ZNF346: variants seen among roughly 807,000 people sequenced by gnomAD.
ZNF346 encodes zinc finger protein 346, also known as double-stranded RNA-binding zinc finger protein JAZ.
In ZNF346, 23 loss-of-function variants were observed where a neutral mutation model predicts 33.7. The observed-to-expected ratio is 0.68, with a 90% CI of 0.49 to 0.97. ZNF346 has a LOEUF of 0.97. ZNF346 is among the 50% of genes least tolerant of loss of function. ZNF346 has a pLI of 0.00. For missense variants in ZNF346, 340 were observed against 371.1 expected (o/e 0.92, Z 0.69); for synonymous variants, 134 against 142.4 (o/e 0.94, Z 0.42).
At chr5:177,068,520 A>G (rs942609953), downstream of ZNF346, among the ~76,000 whole-genome samples, 13 of 143,908 alleles carry the variant, frequency 9.0e-5, 2 homozygotes, top group African/African-American at 3.8e-4. Context: ...CCAGGCTTCT[A>G]TCCTGATACG....
intron 1 of ZNF346, among the ~76,000 whole-genome samples, chr5:177,033,515 G>GTTTTGT (rs1409160289): frequency 1.3e-5 from 2 of 151,926 alleles, no homozygotes; most frequent in African/African-American, 2.4e-5. Context: ...GTTTTGTTTT[G>GTTTTGT]TTTTGTTTTT....
At chr5:177,038,876 T>TTTGTGTGTG (rs981637597) in intron 1 of ZNF346, among the ~76,000 whole-genome samples, 1 of 135,358 alleles carries the variant, frequency 7.4e-6, no homozygotes. Flanking sequence ...CTTCTTCTTC[T>TTTGTGTGTG]TGTGTGTGTG....
At chr5:177,076,773 G>T (rs1783770613) in intron 8 of ZNF346, among the ~76,000 whole-genome samples, 1 of 152,180 alleles carries the variant, frequency 6.6e-6, no homozygotes, top group South Asian at 2.1e-4. Flanking sequence ...GGGCGTGGTG[G>T]CTCACGCCTG....
At chr5:177,070,786 G>C (rs185517541), downstream of ZNF346, among the ~76,000 whole-genome samples, 723 of 151,986 alleles carry the variant, frequency 4.8e-3, 5 homozygotes, top group Non-Finnish European at 7.1e-3. Flanking sequence ...TGACTGAGGC[G>C]GGGGGAAAAG....
chr5:177,045,773 G>A (rs1211109961), intron 4 of ZNF346, among the ~76,000 whole-genome samples: 1 of 151,750 alleles, frequency 6.6e-6, no homozygotes, highest in East Asian at 1.9e-4. Context: ...TTACAGGCAT[G>A]AGCCACCACA....
In ZNF346 at chr5:177,075,725, C is replaced by T. The variant is rs530892415; in HGVS notation, c.*3-3657C>T. ...TTTTGAGACAGAGTTTCTCTCTTGTCGCCCAGGCTAGAGTGCAGTGGTGCA... is the reference window on the plus strand; with the variant it reads ...TTTTGAGACAGAGTTTCTCTCTTGTTGCCCAGGCTAGAGTGCAGTGGTGCA... On this transcript the variant is annotated intron_variant, in intron 8 of 8. Coordinates refer to the ZNF346 transcript ENST00000503039. Among the ~76,000 whole-genome samples the T allele has an allele frequency of 2.8e-4, 43 of 151,186 alleles. 1 individual carries two copies. The highest frequency in any genetic ancestry group is 4.9e-4 in the Non-Finnish European group (33 of 67,790).
At chr5:177,045,381 G>T (rs1287013985) in intron 4 of ZNF346, among the ~76,000 whole-genome samples, 3 of 151,404 alleles carry the variant, frequency 2.0e-5, no homozygotes, top group African/African-American at 7.3e-5. Context: ...TTGAGATGGA[G>T]TCTCGCTCTG....
At chr5:177,023,720 A>T (rs1776250482) in intron 1 of ZNF346, among the ~76,000 whole-genome samples, 2 of 152,138 alleles carry the variant, frequency 1.3e-5, no homozygotes, top group Non-Finnish European at 2.9e-5. Context: ...CAGCTGCTTG[A>T]TGCTAACCCA....
chr5:177,041,221 C>T lies in ZNF346; in HGVS notation c.271C>T (p.His91Tyr). The T allele has an allele frequency of 2.5e-6, 4 of 1,613,454 alleles. No homozygotes were observed. Among genetic ancestry groups the T allele is most frequent in the Non-Finnish European group, 3.4e-6 (4 of 1,179,352 alleles). ...LLISESQKLA[H>Y]YQSKKHANKV... ...TATTTCTGAGTCCCAGAAGCTGGCA[C>T]ATTACCAGGTATGCCATCATACTTT... The change falls in exon 2 of 7, where the codon CAT (histidine) becomes TAT (tyrosine). Residue 91 changes from histidine to tyrosine, a missense_variant. His to Tyr is a moderately conservative substitution (Grantham distance 83). Transcript: ENST00000358149.
intron 1 of ZNF346, 121 bp from the exon 2 acceptor site, chr5:177,041,005 T>C: frequency 1.4e-6 from 1 of 733,928 alleles, no homozygotes; most frequent in Non-Finnish European, 2.4e-6. Flanking sequence ...CTGGCTGAGG[T>C]CTGCCAGTGT....
chr5:177,034,271 G>A (rs992236840), intron 1 of ZNF346, among the ~76,000 whole-genome samples: 1 of 150,160 alleles, frequency 6.7e-6, no homozygotes. Context: ...GAAGTGCAGT[G>A]GTGTGATCAC....
At chr5:177,028,521 T>TATATATATATA (rs56006820) in intron 1 of ZNF346, among the ~76,000 whole-genome samples, 21 of 135,850 alleles carry the variant, frequency 1.5e-4, no homozygotes, top group South Asian at 4.6e-4. Flanking sequence ...TATATATATA[T>TATATATATATA]TTCCCTCCAT....
chr5:177,064,461 A>G (rs752441620), intron 6 of ZNF346, 51 bp from the exon 7 acceptor site: 1 of 1,449,256 alleles, frequency 6.9e-7, no homozygotes, highest in South Asian at 1.1e-5. Context: ...GCAGTAGGCC[A>G]ATACAGCTGC....
At chr5:177,053,377 T>C (rs1781237712) in intron 5 of ZNF346, among the ~76,000 whole-genome samples, 1 of 150,954 alleles carries the variant, frequency 6.6e-6, no homozygotes, top group Non-Finnish European at 1.5e-5. Flanking sequence ...TCATGAGCTC[T>C]TGGGTTCAAG....
intron 5 of ZNF346, 148 bp from the exon 6 acceptor site, chr5:177,061,910 C>G (rs1426209943): frequency 4.5e-6 from 3 of 665,488 alleles, no homozygotes; most frequent in Non-Finnish European, 8.1e-6. Flanking sequence ...CTCCTTAGCA[C>G]TGTGGCCTCT....
intron 4 of ZNF346, among the ~76,000 whole-genome samples, chr5:177,045,779 C>A (rs1262560465): frequency 1.3e-5 from 2 of 152,016 alleles, no homozygotes; most frequent in Non-Finnish European, 2.9e-5. Context: ...GCATGAGCCA[C>A]CACACCTGGC....
rs917433494 is a variant in ZNF346 at position 177,064,433 on chromosome 5, A to G, written c.798-79A>G. 34 of 1,147,672 alleles carry G rather than the reference A, an allele frequency of 3.0e-5. No homozygotes were observed. The African/African-American group carries it at 4.4e-4, about 15-fold the overall frequency. 71.1% of individuals were successfully genotyped at this position (1,147,672 alleles called of 1,614,324 possible). ...CCTGTCTATTACTCCAAGGCCCTGG[A>G]AGGGCAGTGCTATCATTGCAGTAGG... On this transcript the variant is annotated intron_variant, in intron 6 of 6. Transcript: ENST00000358149.
At chr5:177,053,141 C>T (rs1461385691) in intron 5 of ZNF346, among the ~76,000 whole-genome samples, 1 of 151,856 alleles carries the variant, frequency 6.6e-6, no homozygotes, top group African/African-American at 2.4e-5. Context: ...TATGGTGAAA[C>T]CCAGTCTCTA....
intron 4 of ZNF346, among the ~76,000 whole-genome samples, chr5:177,049,396 C>G (rs78870997): frequency 6.6e-6 from 1 of 152,194 alleles, no homozygotes; most frequent in South Asian, 2.1e-4. Flanking sequence ...CTGGGCCCCA[C>G]ATTTTTAAAG....
Sources: gnomAD v4.1 joint callset for allele counts (sites outside exome capture counted in the v4.1 genomes callset) on GRCh38, gnomAD v4.1.1 for gene constraint, MANE v1.5 for transcripts, NCBI Gene and HGNC (gene_info 2026-07-23, HGNC 2026-07-21) for gene names.